The following KIF24 variants were observed in gnomAD, a reference collection of about 807,000 sequenced individuals.
KIF24 encodes kinesin-like protein KIF24.
A neutral mutation model predicts 118.9 loss-of-function variants in KIF24; 81 were observed. That is an observed-to-expected ratio of 0.68 (90% confidence interval 0.57 to 0.82). KIF24 has a LOEUF of 0.82. Among genes scored for constraint, KIF24 ranks in the 40% least tolerant of loss-of-function variants. The pLI, the probability that KIF24 is intolerant of heterozygous loss-of-function variation, is 0.00. For missense variants in KIF24, 1,560 were observed against 1,661.6 expected (o/e 0.94, Z 1.06); for synonymous variants, 599 against 610.0 (o/e 0.98, Z 0.27).
Position 34,257,966 on chromosome 9 carries a change from C to G in KIF24, c.1641G>C (p.Lys547Asn). Residue 547 changes from lysine (K) to asparagine (N), a missense_variant, in exon 11 of 13, where the codon AAG (lysine) becomes AAC (asparagine). Lys to Asn is a moderately conservative substitution (Grantham distance 94, BLOSUM62 0). Around this residue, in one of 3 missense-constraint regions of KIF24, gnomAD observed 964 missense variants for 988.0 expected, o/e 0.98. Coordinates refer to ENST00000402558, the MANE Select transcript of KIF24 (RefSeq NM_194313.4). ...CTGAAGTGCAACACTTAATGCCTTT[C>G]TTTAGTTCTTTGACCCTGTAAATAA... is the stretch of plus-strand genomic sequence containing the variant. ...LRYADRVKEL[K>N]KGIKCCTSVT... 1 of 1,602,922 alleles carries G rather than the reference C, an allele frequency of 6.2e-7. No individual in the cohort carries two copies. Among genetic ancestry groups the G allele is most frequent in the Non-Finnish European group, 8.5e-7 (1 of 1,174,584 alleles).
intron 1 of KIF24, among the ~76,000 whole-genome samples, chr9:34,328,370 A>G (rs902792619): frequency 6.6e-6 from 1 of 152,228 alleles, no homozygotes; most frequent in Non-Finnish European, 1.5e-5. Flanking sequence ...AGAATGGTTT[A>G]TTTTAAGCAA....
At position 34,254,342 on chromosome 9, in the gene KIF24, C is replaced by T. The variant is rs890172763; in HGVS notation, c.*38G>A. Reference sequence around the variant, plus strand: ...CCAGCCTGAGAGCCCAGCACAGACTCCTGCAGGGCCCCCACCATCTCGGCA... The same window carrying T: ...CCAGCCTGAGAGCCCAGCACAGACTTCTGCAGGGCCCCCACCATCTCGGCA... On this transcript the variant is annotated 3_prime_UTR_variant, in exon 13 of 13. Coordinates refer to ENST00000402558, the MANE Select transcript of KIF24 (RefSeq NM_194313.4). 37 of 1,577,630 alleles carry T rather than the reference C, an allele frequency of 2.3e-5. 1 individual carries two copies. The Admixed American group carries it at 3.8e-4, about 16-fold the overall frequency.
intron 5 of KIF24, 140 bp downstream of exon 5, chr9:34,290,034 T>G (rs1836191769): frequency 3.6e-6 from 2 of 558,530 alleles, no homozygotes; most frequent in Non-Finnish European, 6.4e-6. Flanking sequence ...AAAATATGTA[T>G]CTGATGCAGG....
intron 3 of KIF24, among the ~76,000 whole-genome samples, chr9:34,304,636 G>A (rs1411507298): frequency 2.0e-5 from 3 of 152,106 alleles, no homozygotes; most frequent in Non-Finnish European, 2.9e-5. Flanking sequence ...CTAATAGACC[G>A]TGCATTGATC....
Position 34,255,078 on chromosome 9 carries a change from A to G in KIF24, c.3960T>C (p.Ala1320=). 1 of 1,585,278 alleles carries G rather than the reference A, an allele frequency of 6.3e-7. No homozygotes were observed. The change falls in exon 12 of 13, where the codon GCT becomes GCC. Residue 1320 remains alanine, a synonymous_variant. Transcript: ENST00000402558. ...TCCAGCCAGGGCTACTTACATTAGA[A>G]GCCAGCTGGCTCATCAGCGTCTCCT... ...FKEETLMSQL[A]SNDFEDFVTQ... is the part of the protein sequence containing the mutation.
rs1248819617 is a variant in KIF24, at chr9:34,290,231, A to G, written c.1070T>C (p.Ile357Thr). The change falls in exon 5 of 13, where the codon ATC becomes ACC. Residue 357 changes from isoleucine (I) to threonine (T), a missense_variant. Around this residue, in one of 3 missense-constraint regions of KIF24, gnomAD observed 964 missense variants for 988.0 expected, o/e 0.98. Transcript: ENST00000402558. ...SQPRKHLFVW[I>T]SFYEIYCGQL... ...TCCACAGTAAATTTCATAGAAGCTG[A>G]TCCACACAAAGAGGTGCTTTCTTGG... 1 of 1,613,826 alleles carries G rather than the reference A, an allele frequency of 6.2e-7. No individual in the cohort carries two copies. The highest frequency in any genetic ancestry group is 8.5e-7 in the Non-Finnish European group (1 of 1,179,864).
Position 34,311,015 on chromosome 9 carries a change from G to A in KIF24, c.332C>T (p.Ala111Val). The change falls in exon 2 of 13, where the codon GCC becomes GTC. Residue 111 changes from alanine (A) to valine (V), a missense_variant. By Grantham distance (64) the Ala-to-Val change is moderately conservative (BLOSUM62 0). Coordinates refer to ENST00000402558, the MANE Select transcript of KIF24 (RefSeq NM_194313.4). ...GCACATTTCAAACCCATCATTGCTG[G>A]CATTTCTGTCTTTATTGTCAGCAGG... ...DSPADNKDRN[A>V]SNDGFEMCSL... is the part of the protein sequence containing the mutation. The A allele has an allele frequency of 6.2e-7, 1 of 1,613,790 alleles. No homozygotes were observed. The highest frequency in any genetic ancestry group is 8.5e-7 in the Non-Finnish European group (1 of 1,179,744).
At position 34,252,962 on chromosome 9, in the gene KIF24, G is replaced by GTT. The variant is rs1255063100; in HGVS notation, c.*1416_*1417dup. 1 of 152,410 alleles carries GTT rather than the reference G, an allele frequency of 6.6e-6. No individual in the cohort carries two copies. The highest frequency in any genetic ancestry group is 1.9e-4 in the East Asian group (1 of 5,182). 9.4% of individuals were successfully genotyped at this position (152,410 alleles called of 1,614,324 possible). ...TAGGGTTCATTCCTAAAGTAAGTAA[G>GTT]TTTTTGTCCTTGACCTTAATACTGT... On this transcript the variant is annotated 3_prime_UTR_variant, in exon 13 of 13. Coordinates refer to ENST00000402558, the MANE Select transcript of KIF24 (RefSeq NM_194313.4).
chr9:34,308,287 C>CT (rs35870541), intron 2 of KIF24, among the ~76,000 whole-genome samples: 39,141 of 142,210 alleles, frequency 0.28, 6,482 homozygotes, highest in Non-Finnish European at 0.38. Context: ...ATTTTTAATG[C>CT]TTTTTTTTTT....
chr9:34,315,098 T>TA (rs1837290903), intron 1 of KIF24, among the ~76,000 whole-genome samples: 1 of 152,198 alleles, frequency 6.6e-6, no homozygotes, highest in Non-Finnish European at 1.5e-5. Context: ...TAGTTATTAT[T>TA]ACCTTTCCTA....
chr9:34,313,182 C>T (rs1837224637), intron 1 of KIF24, among the ~76,000 whole-genome samples: 2 of 152,254 alleles, frequency 1.3e-5, no homozygotes, highest in East Asian at 1.9e-4. Context: ...GCCTCAAGGG[C>T]CCAGCCAACA....
At chr9:34,271,086 C>A (rs1459806526) in intron 7 of KIF24, among the ~76,000 whole-genome samples, 1 of 151,896 alleles carries the variant, frequency 6.6e-6, no homozygotes, top group Non-Finnish European at 1.5e-5. Context: ...CAGAGTGAAG[C>A]CCTATCTTAC....
At chr9:34,287,475 C>A (rs1419136942) in intron 5 of KIF24, among the ~76,000 whole-genome samples, 2 of 152,154 alleles carry the variant, frequency 1.3e-5, no homozygotes, top group African/African-American at 4.8e-5. Flanking sequence ...TAAACCAGAT[C>A]CACTGAGAGG....
chr9:34,297,083 T>TC lies in KIF24; in HGVS notation c.844dup (p.Glu282GlyfsTer47), dbSNP rs1836512340. 2 of 1,588,730 alleles carry TC rather than the reference T, an allele frequency of 1.3e-6. 1 individual carries two copies. Among genetic ancestry groups the TC allele is most frequent in the African/African-American group, 2.7e-5 (2 of 74,548 alleles). On this transcript the variant is annotated frameshift_variant, in exon 4 of 13. Coordinates refer to ENST00000402558, the MANE Select transcript of KIF24 (RefSeq NM_194313.4). LOFTEE classifies it high-confidence loss of function. ...GTATACATCCTGATTGGTGCACGCC[T>TC]CACCAAAGACTTCATCAAAATAAAA...
Position 34,259,748 on chromosome 9 carries a change from C to CA in KIF24, c.1516-44dup, listed in dbSNP as rs756736970. On this transcript the variant is annotated intron_variant, in intron 9 of 12. Transcript: ENST00000402558. ...CAGGTCAATGAGTGAAGTCAATTAA[C>CA]AAAGTGCATACTGACTACTTACTAG... 1.0e-5 allele frequency: 13 copies of CA among 1,272,432 alleles called. No homozygotes were observed. In the African/African-American group the frequency reaches 1.3e-4, roughly 13 times the overall value. The allele number at this position is 1,272,432 out of a possible 1,614,324, so 78.8% of individuals were successfully genotyped here.
chr9:34,293,659 C>T (rs934422498), intron 4 of KIF24, among the ~76,000 whole-genome samples: 5 of 151,930 alleles, frequency 3.3e-5, no homozygotes, highest in African/African-American at 1.2e-4. Context: ...ACCTGCAGTC[C>T]CAGCTACTCG....
intron 1 of KIF24, among the ~76,000 whole-genome samples, chr9:34,314,397 C>T (rs891355417): frequency 6.6e-6 from 1 of 152,080 alleles, no homozygotes; most frequent in Admixed American, 6.6e-5. Flanking sequence ...AACTCCTGAC[C>T]TCGAGTGATC....
chr9:34,307,854 C>G lies in KIF24; in HGVS notation c.624-1413G>C, dbSNP rs563649488. ...CCAGCCTGGGCAACAGAGCAAGACT[C>G]TGTCTGAAAAAAAAAAAAAAAAAAA... On this transcript the variant is annotated intron_variant, in intron 2 of 12. Transcript: ENST00000402558. Among the ~76,000 whole-genome samples, 14 of 111,998 alleles carry G rather than the reference C, an allele frequency of 1.3e-4. No individual in the cohort carries two copies. The South Asian group carries it at 2.1e-3, about 17-fold the overall frequency. The allele number at this position is 111,998 out of a possible 152,430, so 73.5% of individuals were successfully genotyped here.
Position 34,257,192 on chromosome 9 carries a change from C to T in KIF24, c.2415G>A (p.Pro805=), listed in dbSNP as rs749223412. The T allele has an allele frequency of 4.3e-6, 7 of 1,614,046 alleles. No homozygotes were observed. The East Asian group carries it at 6.7e-5, about 15-fold the overall frequency. Residue 805 remains proline (P), a synonymous_variant, in exon 11 of 13, where the codon CCG becomes CCA. Coordinates refer to ENST00000402558, the MANE Select transcript of KIF24 (RefSeq NM_194313.4). ...TTTCAGAGTAAGAGTGGAACAGAGG[C>T]GGAGTCTCATTCGTGAGCTGACCCT... is the stretch of plus-strand genomic sequence containing the variant. The part of the protein sequence containing the change: ...PPEGQLTNET[P]PLFHSYSENH...
Sources: gnomAD v4.1 joint callset for allele counts (sites outside exome capture counted in the v4.1 genomes callset) on GRCh38, gnomAD v4.1.1 for gene constraint, gnomAD v4.1.1 regional missense constraint, MANE v1.5 for transcripts, NCBI Gene and HGNC (gene_info 2026-07-23, HGNC 2026-07-21) for gene names.